The following SNX29 variants were observed in gnomAD, a reference collection of about 807,000 sequenced individuals.
SNX29 encodes sorting nexin 29.
A neutral mutation model predicts 102.1 loss-of-function variants in SNX29; 78 were observed. The observed-to-expected ratio is 0.76, with a 90% confidence interval of 0.64 to 0.92. SNX29 has a LOEUF of 0.92. Among genes scored for constraint, SNX29 ranks in the 40% least tolerant of loss-of-function variants. SNX29 has a pLI of 0.00. For synonymous variants in SNX29, 580 were observed against 414.5 expected (o/e 1.40, Z -4.85); for missense variants, 1,280 against 1,061.7 (o/e 1.21, Z -2.86).
At chr16:12,270,352 C>A (rs955927151) in intron 14 of SNX29, among the ~76,000 whole-genome samples, 2 of 152,150 alleles carry the variant, frequency 1.3e-5, no homozygotes, top group African/African-American at 4.8e-5. Context: ...ATGGTGTTGT[C>A]ATCTGTTATT....
chr16:12,549,274 C>CA (rs2141328263), intron 20 of SNX29, among the ~76,000 whole-genome samples: 1 of 152,202 alleles, frequency 6.6e-6, no homozygotes, highest in East Asian at 1.9e-4. Flanking sequence ...GGTGGTAGAT[C>CA]ACTCAGGGTC....
At chr16:12,549,603 CCA>C (rs1390411518) in intron 20 of SNX29, among the ~76,000 whole-genome samples, 1 of 152,200 alleles carries the variant, frequency 6.6e-6, no homozygotes, top group Non-Finnish European at 1.5e-5. Flanking sequence ...TTTTTCTACT[CCA>C]GAGTCCTTGC....
At chr16:12,223,988 G>A (rs1422763574) in intron 14 of SNX29, among the ~76,000 whole-genome samples, 1 of 152,200 alleles carries the variant, frequency 6.6e-6, no homozygotes, top group African/African-American at 2.4e-5. Context: ...TAATGGAGGC[G>A]AGAGTTCAGG....
intron 14 of SNX29, among the ~76,000 whole-genome samples, chr16:12,249,228 C>T (rs2078350811): frequency 6.6e-6 from 1 of 152,146 alleles, no homozygotes; most frequent in Non-Finnish European, 1.5e-5. Flanking sequence ...AGGGCCTGGG[C>T]CAACTCAATG....
At chr16:12,114,968 C>G (rs190614887) in intron 11 of SNX29, among the ~76,000 whole-genome samples, 12 of 152,258 alleles carry the variant, frequency 7.9e-5, no homozygotes, top group African/African-American at 2.4e-4. Flanking sequence ...GCCTGGCACT[C>G]GGCTGGTGCC....
chr16:12,479,757 A>G (rs2087821197), intron 19 of SNX29, among the ~76,000 whole-genome samples: 1 of 152,222 alleles, frequency 6.6e-6, no homozygotes, highest in South Asian at 2.1e-4. Context: ...AAATTATAAG[A>G]CATTCTTATG....
rs151077554 is a variant in SNX29, at chr16:12,241,915, G to A, written c.1679-36018G>A. On this transcript the variant is annotated intron_variant, in intron 14 of 20. Transcript: ENST00000566228. ...AGTTCATGTTCAGTGTGGAAAGGGGGCTCCTGCCTCTGTGCCAGGAGGCTG... is the reference window on the plus strand; with the variant it reads ...AGTTCATGTTCAGTGTGGAAAGGGGACTCCTGCCTCTGTGCCAGGAGGCTG... 2.8e-3 allele frequency among the ~76,000 whole-genome samples: 425 copies of A among 152,266 alleles called. 5 individuals carry two copies. The highest frequency in any genetic ancestry group is 9.4e-3 in the African/African-American group (390 of 41,548).
rs1042971000 is a variant in SNX29, at chr16:12,570,132, G to C, written c.*1503G>C. The stretch of plus-strand genomic sequence containing the variant: ...AGGAAGATTGTTCATGGCCTTTAAG[G>C]AAGGCTGAGATCACTCACACACAGC... On this transcript the variant is annotated 3_prime_UTR_variant, in exon 21 of 21. Transcript: ENST00000566228. 2.6e-5 allele frequency: 27 copies of C among 1,052,982 alleles called. No individual in the cohort carries two copies. The South Asian group carries it at 1.2e-3, about 48-fold the overall frequency. 65.2% of individuals were successfully genotyped at this position (1,052,982 alleles called of 1,614,324 possible). A position where few individuals can be genotyped will look rare whatever the true frequency, so the allele number is the denominator to read the frequency against.
chr16:12,119,564 G>A lies in SNX29; in HGVS notation c.1403-7069G>A, dbSNP rs114252766. ...ATGTAGAAACCATAGTTCTAAAACT[G>A]GAAAGGGCCAGAATTTAATCACACT... On this transcript the variant is annotated intron_variant, in intron 11 of 20. Coordinates refer to ENST00000566228, the MANE Select transcript of SNX29 (RefSeq NM_032167.5). 3.5e-3 allele frequency among the ~76,000 whole-genome samples: 527 copies of A among 152,296 alleles called. 5 individuals are homozygous for A. The highest frequency in any genetic ancestry group is 0.012 in the African/African-American group (481 of 41,564).
At position 12,356,154 on chromosome 16, in the gene SNX29, G is replaced by T. The variant is rs1415982101; in HGVS notation, c.1783-9G>T. The T allele has an allele frequency of 6.2e-7, 1 of 1,610,488 alleles. No homozygotes were observed. Reference sequence around the variant, plus strand: ...CTCTAAGCCTCACCTTTCCGTGCTTGTGTTCCAGGTGGCAGAGATGCATGG... The same window carrying T: ...CTCTAAGCCTCACCTTTCCGTGCTTTTGTTCCAGGTGGCAGAGATGCATGG... On this transcript the variant is annotated splice_polypyrimidine_tract_variant and intron_variant, in intron 15 of 20. Coordinates refer to ENST00000566228, the MANE Select transcript of SNX29 (RefSeq NM_032167.5).
chr16:11,993,130 A>G (rs1408171672), intron 1 of SNX29, among the ~76,000 whole-genome samples: 1 of 151,882 alleles, frequency 6.6e-6, no homozygotes, highest in African/African-American at 2.4e-5. Flanking sequence ...GCGCCACCGT[A>G]CTCCAGCTTG....
intron 17 of SNX29, among the ~76,000 whole-genome samples, chr16:12,401,779 G>T (rs114704072): frequency 2.0e-5 from 3 of 152,190 alleles, no homozygotes; most frequent in Non-Finnish European, 2.9e-5. Context: ...CAGAGTAGTG[G>T]CTTCTCAGTA....
intron 19 of SNX29, among the ~76,000 whole-genome samples, chr16:12,505,203 G>C (rs1378612359): frequency 6.6e-6 from 1 of 152,184 alleles, no homozygotes; most frequent in African/African-American, 2.4e-5. Context: ...TCTAGGAGTG[G>C]AACTGCCAGG....
intron 20 of SNX29, among the ~76,000 whole-genome samples, chr16:12,544,453 T>C (rs1259596449): frequency 6.6e-6 from 1 of 152,156 alleles, no homozygotes; most frequent in African/African-American, 2.4e-5. Context: ...CTCTACCCTA[T>C]CTCATTCTGA....
rs929775572 is a variant in SNX29, at chr16:12,455,447, G to C, written c.2038-22272G>C. Among the ~76,000 whole-genome samples the C allele has an allele frequency of 4.6e-5, 7 of 152,216 alleles. No homozygotes were observed. The South Asian group carries it at 1.2e-3, about 27-fold the overall frequency. On this transcript the variant is annotated intron_variant, in intron 18 of 20. Coordinates refer to ENST00000566228, the MANE Select transcript of SNX29 (RefSeq NM_032167.5). ...GGCTGTAACTGACCTCTAGGTGGCG[G>C]TGGCCACCTGCTGCCACTCTGGCTC...
Position 12,548,147 on chromosome 16 carries a change from ATTC to A in SNX29, c.2319-20355_2319-20353del, listed in dbSNP as rs774920122. Among the ~76,000 whole-genome samples, 478 of 152,210 alleles carry A rather than the reference ATTC, an allele frequency of 3.1e-3. 1 individual carries two copies. The highest frequency in any genetic ancestry group is 6.8e-3 in the Middle Eastern group (2 of 294). Reference sequence around the variant, plus strand: ...AAGTAGGAATTTTCTATCCCTGTTCATTCTTCATCTTGGCCACACACATTTGCT... The same window carrying A: ...AAGTAGGAATTTTCTATCCCTGTTCATTCATCTTGGCCACACACATTTGCT... On this transcript the variant is annotated intron_variant, in intron 20 of 20. Coordinates refer to ENST00000566228, the MANE Select transcript of SNX29 (RefSeq NM_032167.5).
In SNX29 at chr16:11,991,908, T is replaced by C. The variant is rs552798054; in HGVS notation, c.8-7389T>C. Among the ~76,000 whole-genome samples the C allele has an allele frequency of 2.0e-5, 3 of 152,170 alleles. No individual in the cohort carries two copies. The South Asian group carries it at 6.2e-4, about 32-fold the overall frequency. On this transcript the variant is annotated intron_variant, in intron 1 of 20. Transcript: ENST00000566228. ...ATGGGGACTGGGTTCTCCATGCAGT[T>C]GCCTTGTCTAGCCCTTGGGAGAATC...
At chr16:12,019,837 A>G (rs1367036683) in intron 3 of SNX29, among the ~76,000 whole-genome samples, 2 of 151,352 alleles carry the variant, frequency 1.3e-5, no homozygotes, top group Non-Finnish European at 2.9e-5. Context: ...GGATTTCACC[A>G]TTTTAGCCAG....
intron 11 of SNX29, chr16:12,081,983 TAG>T (rs928386228): frequency 4.6e-5 from 7 of 152,376 alleles, no homozygotes; most frequent in African/African-American, 1.7e-4. Context: ...CGAGTCACAT[TAG>T]GTGTTGAGGC....
Sources: allele counts gnomAD v4.1 joint callset (sites outside exome capture counted in the v4.1 genomes callset), GRCh38; gene constraint gnomAD v4.1.1; transcripts MANE v1.5; gene names NCBI Gene and HGNC (gene_info 2026-07-23, HGNC 2026-07-21).